Variants in PARM1 observed in about 807,000 individuals in gnomAD.
PARM1 encodes prostate androgen-regulated mucin-like protein 1.
A neutral mutation model predicts 24.6 loss-of-function variants in PARM1; 14 were observed. The ratio of observed to expected loss-of-function variants is 0.57; its 90% CI spans 0.38 to 0.89. The LOEUF is 0.89. Ranked by LOEUF, PARM1 falls within the 40% of genes least tolerant of loss-of-function variation. PARM1 has a pLI of 0.00. For synonymous variants in PARM1, 179 were observed against 156.6 expected, an observed-to-expected ratio of 1.14 and a Z score of -1.07; for missense variants, 362 against 380.4, an observed-to-expected ratio of 0.95 and a Z score of 0.40.
chr4:75,010,209 G>A (rs1249352594), intron 1 of PARM1, among the ~76,000 whole-genome samples: 2 of 152,192 alleles, frequency 1.3e-5, no homozygotes, highest in African/African-American at 4.8e-5. Context: ...GCTATCACAT[G>A]GATGAAACTT....
chr4:75,024,958 G>A (rs1388976536), intron 2 of PARM1, among the ~76,000 whole-genome samples: 1 of 152,220 alleles, frequency 6.6e-6, no homozygotes, highest in Non-Finnish European at 1.5e-5. Context: ...GTCTCCCAAA[G>A]TGCCGGGATT....
chr4:74,985,325 T>C (rs79073271), intron 1 of PARM1, among the ~76,000 whole-genome samples: 3 of 152,158 alleles, frequency 2.0e-5, no homozygotes, highest in Admixed American at 6.5e-5. Flanking sequence ...ATTGGCTATG[T>C]GATTAGCTAC....
chr4:74,993,739 C>A (rs1722521273), intron 1 of PARM1: 1 of 151,954 alleles, frequency 6.6e-6, no homozygotes, highest in African/African-American at 2.4e-5. Flanking sequence ...AAGCAGATAA[C>A]TGGTTGTCTG....
At chr4:75,020,009 CAA>C (rs1161399344) in intron 2 of PARM1, among the ~76,000 whole-genome samples, 2 of 31,098 alleles carry the variant, frequency 6.4e-5, no homozygotes, top group East Asian at 2.6e-3. Flanking sequence ...GACTCCGTCT[CAA>C]AAAAAAAAAA....
chr4:75,030,134 G>A (rs1344539377), intron 2 of PARM1, among the ~76,000 whole-genome samples: 1 of 152,128 alleles, frequency 6.6e-6, no homozygotes, highest in African/African-American at 2.4e-5. Flanking sequence ...TTTACCCAGG[G>A]GTGTCAGGGA....
chr4:74,955,533 G>A (rs999034184), intron 1 of PARM1, among the ~76,000 whole-genome samples: 2 of 152,124 alleles, frequency 1.3e-5, no homozygotes, highest in African/African-American at 4.8e-5. Flanking sequence ...TGAACTTTGT[G>A]CCCCTAGTAA....
intron 2 of PARM1, among the ~76,000 whole-genome samples, chr4:75,021,485 G>A (rs1463634725): frequency 6.6e-6 from 1 of 151,842 alleles, no homozygotes; most frequent in East Asian, 1.9e-4. Context: ...GTTTTGGAGG[G>A]TACATGTGCA....
chr4:74,971,057 GT>G (rs1722023797), intron 1 of PARM1, among the ~76,000 whole-genome samples: 1 of 152,176 alleles, frequency 6.6e-6, no homozygotes, highest in Admixed American at 6.5e-5. Flanking sequence ...TGCTTACTAT[GT>G]TTCATCAAGA....
intron 2 of PARM1, among the ~76,000 whole-genome samples, chr4:75,018,206 G>GCA (rs1723024447): frequency 6.6e-6 from 1 of 152,126 alleles, no homozygotes; most frequent in Admixed American, 6.5e-5. Flanking sequence ...ATGGCATATG[G>GCA]CATAGTGAGT....
intron 1 of PARM1, among the ~76,000 whole-genome samples, chr4:74,983,518 A>G (rs1029282364): frequency 6.6e-6 from 1 of 152,140 alleles, no homozygotes; most frequent in Non-Finnish European, 1.5e-5. Flanking sequence ...TCCTATCTGG[A>G]AAGCTGGCTA....
intron 1 of PARM1, among the ~76,000 whole-genome samples, chr4:74,977,248 G>C (rs1459219525): frequency 6.6e-6 from 1 of 152,176 alleles, no homozygotes; most frequent in Non-Finnish European, 1.5e-5. Context: ...AGAATAACCA[G>C]TTTAGAGAGG....
chr4:74,966,927 G>C (rs1360882327), intron 1 of PARM1: 2 of 152,170 alleles, frequency 1.3e-5, no homozygotes, highest in Middle Eastern at 3.2e-3. Context: ...AAGCTTTTGG[G>C]ATTTGGCATG....
At chr4:74,945,491 C>T (rs1056329852) in intron 1 of PARM1, among the ~76,000 whole-genome samples, 5 of 152,178 alleles carry the variant, frequency 3.3e-5, no homozygotes, top group Non-Finnish European at 7.4e-5. Flanking sequence ...ACAATGTTTA[C>T]CGGGCATCAC....
intron 1 of PARM1, among the ~76,000 whole-genome samples, chr4:74,991,661 C>T (rs1314117073): frequency 3.3e-5 from 5 of 152,144 alleles, no homozygotes; most frequent in Non-Finnish European, 2.9e-5. Context: ...AAATAATTCA[C>T]GTTTCCAGCA....
At chr4:75,041,656 T>C (rs1445758568) in intron 3 of PARM1, among the ~76,000 whole-genome samples, 1 of 152,184 alleles carries the variant, frequency 6.6e-6, no homozygotes, top group Non-Finnish European at 1.5e-5. Context: ...TATCTTTAAA[T>C]AGGTACCATT....
At chr4:74,972,479 C>T (rs1722058335) in intron 1 of PARM1, among the ~76,000 whole-genome samples, 2 of 152,300 alleles carry the variant, frequency 1.3e-5, no homozygotes, top group East Asian at 1.9e-4. Flanking sequence ...TAAGTCAACA[C>T]GTTTCTGAAA....
chr4:75,030,148 C>T (rs938274720), intron 2 of PARM1, among the ~76,000 whole-genome samples: 2 of 152,072 alleles, frequency 1.3e-5, no homozygotes, highest in African/African-American at 2.4e-5. Context: ...TCAGGGAAAA[C>T]GGCTCAGAAG....
chr4:74,991,878 C>CA (rs1167969800), intron 1 of PARM1, among the ~76,000 whole-genome samples: 2 of 152,002 alleles, frequency 1.3e-5, no homozygotes, highest in African/African-American at 4.8e-5. Flanking sequence ...AATGCAAAAA[C>CA]AAAAAAACAA....
rs1455427065 is a variant in PARM1, at chr4:75,012,701, C to T, written c.320C>T (p.Ser107Phe). ...GGCACAAACACAGACCCCTCACCTT[C>T]TGGGTTCTCGTCAACAAGCGGTGGA... ...WEGTNTDPSP[S>F]GFSSTSGGVH... The change falls in exon 2 of 4, where the codon TCT becomes TTT. Residue 107 changes from serine to phenylalanine, a missense_variant. Transcript: ENST00000307428. 1.9e-6 allele frequency: 3 copies of T among 1,614,008 alleles called. No homozygotes were observed. Among genetic ancestry groups the T allele is most frequent in the Non-Finnish European group, 2.5e-6 (3 of 1,179,882 alleles).
Sources: allele counts gnomAD v4.1 joint callset (sites outside exome capture counted in the v4.1 genomes callset), GRCh38; gene constraint gnomAD v4.1.1; transcripts MANE v1.5; gene names NCBI Gene and HGNC (gene_info 2026-07-23, HGNC 2026-07-21).